CRY1: variants seen among roughly 807,000 people sequenced by gnomAD.
CRY1 encodes the protein cryptochrome circadian regulator 1, also known as cryptochrome-1.
In CRY1, 45 loss-of-function variants were observed where a neutral mutation model predicts 76.0. The ratio of observed to expected loss-of-function variants is 0.59; its 90% CI spans 0.47 to 0.76. CRY1 has a LOEUF of 0.76. Ranked by LOEUF, CRY1 falls within the 30% of genes least tolerant of loss-of-function variation. The probability of loss-of-function intolerance (pLI) is 0.00; values close to 1 mark genes in which losing one functional copy is unlikely to be tolerated. For missense variants in CRY1, 587 were observed against 716.4 expected (o/e 0.82, Z 2.06); for synonymous variants, 248 against 244.0 (o/e 1.02, Z -0.15).
chr12:107,085,321 C>G (rs1434007216), intron 1 of CRY1, among the ~76,000 whole-genome samples: 1 of 152,090 alleles, frequency 6.6e-6, no homozygotes, highest in East Asian at 1.9e-4. Context: ...GGGTATATAC[C>G]CAAAGGATTA....
intron 5 of CRY1, among the ~76,000 whole-genome samples, chr12:107,001,004 C>T (rs955845350): frequency 7.9e-5 from 12 of 151,902 alleles, no homozygotes; most frequent in African/African-American, 1.9e-4. Flanking sequence ...ATTCTAGTTT[C>T]GAAATTGTGG....
chr12:107,090,606 G>C (rs893028832), intron 1 of CRY1, among the ~76,000 whole-genome samples: 2 of 152,116 alleles, frequency 1.3e-5, no homozygotes, highest in Non-Finnish European at 2.9e-5. Flanking sequence ...GCTCCAACAG[G>C]GTGAGAATTG....
intron 1 of CRY1, among the ~76,000 whole-genome samples, chr12:107,031,022 T>C (rs548887840): frequency 4.7e-4 from 72 of 152,296 alleles, no homozygotes; most frequent in Admixed American, 2.5e-3. Context: ...CAAAATATAT[T>C]CAAATCAATG....
intron 1 of CRY1, among the ~76,000 whole-genome samples, chr12:107,045,663 A>G (rs941642294): frequency 2.6e-5 from 4 of 152,074 alleles, no homozygotes; most frequent in Non-Finnish European, 5.9e-5. Context: ...TCTTGAATTA[A>G]TTTTTGTATA....
intron 1 of CRY1, among the ~76,000 whole-genome samples, chr12:107,067,766 AG>A (rs1953130136): frequency 6.6e-6 from 1 of 152,166 alleles, no homozygotes; most frequent in Admixed American, 6.5e-5. Context: ...GACAATGAAC[AG>A]GAGTCTGTGA....
At chr12:107,036,560 C>T (rs901453274) in intron 1 of CRY1, among the ~76,000 whole-genome samples, 7 of 151,662 alleles carry the variant, frequency 4.6e-5, no homozygotes, top group African/African-American at 1.7e-4. Flanking sequence ...ACTGCAATGA[C>T]TTCCCAGTCC....
chr12:107,029,331 C>G (rs1362845730), intron 1 of CRY1, among the ~76,000 whole-genome samples: 1 of 152,192 alleles, frequency 6.6e-6, no homozygotes, highest in Non-Finnish European at 1.5e-5. Context: ...GGGCTCATGC[C>G]TGTAATCCTA....
intron 1 of CRY1, among the ~76,000 whole-genome samples, chr12:107,075,158 T>C (rs1241983973): frequency 6.6e-6 from 1 of 151,998 alleles, no homozygotes. Context: ...TAATTTCAGT[T>C]TGACAAAAAT....
At chr12:107,083,063 C>A (rs1326120466) in intron 1 of CRY1, among the ~76,000 whole-genome samples, 1 of 152,102 alleles carries the variant, frequency 6.6e-6, no homozygotes, top group Non-Finnish European at 1.5e-5. Flanking sequence ...ACTATAAACA[C>A]CTCTATGCAA....
At chr12:107,030,253 CATATAT>C (rs1952660798) in intron 1 of CRY1, among the ~76,000 whole-genome samples, 2 of 152,136 alleles carry the variant, frequency 1.3e-5, no homozygotes, top group Non-Finnish European at 2.9e-5. Flanking sequence ...GGATACTTTA[CATATAT>C]TATATTCCCA....
chr12:107,009,963 C>T (rs1952424570), intron 2 of CRY1, among the ~76,000 whole-genome samples: 1 of 151,996 alleles, frequency 6.6e-6, no homozygotes, highest in Admixed American at 6.6e-5. Flanking sequence ...GAAGGAAATA[C>T]TTCCTTCTTA....
rs1401322803 is a variant in CRY1, at chr12:107,022,255, TAC to T, written c.159-65_159-64del. The T allele has an allele frequency of 1.9e-5, 19 of 989,360 alleles. No individual in the cohort carries two copies. In the African/African-American group the frequency reaches 2.0e-4, roughly 11 times the overall value. The allele number at this position is 989,360 out of a possible 1,614,324, so 61.3% of individuals were successfully genotyped here. A position where few individuals can be genotyped will look rare whatever the true frequency, so the allele number is the denominator to read the frequency against. On this transcript the variant is annotated intron_variant, in intron 1 of 12. Coordinates refer to ENST00000008527, the MANE Select transcript of CRY1 (RefSeq NM_004075.5). ...TACATATTTAGAAGACATAAATTAT[TAC>T]AAAGTCATGTTATTCTAAAAGTTGA...
chr12:106,999,341 G>A (rs920894309), intron 7 of CRY1, among the ~76,000 whole-genome samples: 5 of 151,938 alleles, frequency 3.3e-5, no homozygotes, highest in African/African-American at 1.2e-4. Context: ...AATGACTTTA[G>A]GTTAATCAAT....
intron 1 of CRY1, among the ~76,000 whole-genome samples, chr12:107,069,369 C>T (rs182725967): frequency 6.0e-5 from 9 of 151,016 alleles, no homozygotes; most frequent in East Asian, 1.9e-4. Context: ...GGACTACAGG[C>T]GCCCGCCACC....
intron 1 of CRY1, among the ~76,000 whole-genome samples, chr12:107,053,312 C>T (rs761149766): frequency 3.0e-4 from 45 of 152,138 alleles, no homozygotes; most frequent in Middle Eastern, 6.8e-3. Context: ...GTCTAACACA[C>T]GTACAAATGT....
chr12:107,020,782 T>C (rs1383677627), intron 2 of CRY1, among the ~76,000 whole-genome samples: 2 of 152,114 alleles, frequency 1.3e-5, no homozygotes, highest in African/African-American at 2.4e-5. Flanking sequence ...AATGGACTAA[T>C]ACAGTAATAA....
At chr12:106,993,066 CTTAA>C in intron 10 of CRY1, 30 bp from the exon 11 acceptor site, 1 of 1,605,902 alleles carries the variant, frequency 6.2e-7, no homozygotes, top group African/African-American at 1.3e-5. Flanking sequence ...AGTAAAATTA[CTTAA>C]AATCAAATCC....
chr12:107,012,319 C>A (rs775014049), intron 2 of CRY1, among the ~76,000 whole-genome samples: 21 of 152,238 alleles, frequency 1.4e-4, no homozygotes, highest in Non-Finnish European at 2.2e-4. Context: ...CATTCTAAAA[C>A]TCCTAGGTCC....
intron 2 of CRY1, among the ~76,000 whole-genome samples, chr12:107,007,791 A>G (rs144928477): frequency 3.1e-4 from 47 of 152,170 alleles, no homozygotes; most frequent in African/African-American, 1.1e-3. Flanking sequence ...CAGCCTCCCA[A>G]CGTGCTGGGA....
Sources: gnomAD v4.1 joint callset for allele counts (sites outside exome capture counted in the v4.1 genomes callset) on GRCh38, gnomAD v4.1.1 for gene constraint, MANE v1.5 for transcripts, NCBI Gene and HGNC (gene_info 2026-07-23, HGNC 2026-07-21) for gene names.